The following IGSF21 variants were observed in gnomAD, a reference collection of about 807,000 sequenced individuals.
IGSF21 encodes immunoglobin superfamily member 21, also known as immunoglobulin superfamily member 21.
In IGSF21, 28 loss-of-function variants were observed where a neutral mutation model predicts 46.8. The ratio of observed to expected loss-of-function variants is 0.60; its 90% CI spans 0.44 to 0.82. The LOEUF (loss-of-function observed/expected upper bound fraction) is 0.82. Among genes scored for constraint, IGSF21 ranks in the 40% least tolerant of loss-of-function variants. The pLI is 0.00. For missense variants in IGSF21, 624 were observed against 665.5 expected (o/e 0.94, Z 0.69); for synonymous variants, 284 against 273.6 (o/e 1.04, Z -0.38).
chr1:18,189,189 C>T (rs374424443), intron 1 of IGSF21, among the ~76,000 whole-genome samples: 36 of 152,348 alleles, frequency 2.4e-4, no homozygotes, highest in African/African-American at 6.5e-4. Flanking sequence ...CAATGTCGCC[C>T]GACTTTGGGG....
At chr1:18,196,409 T>C (rs1335895024) in intron 1 of IGSF21, among the ~76,000 whole-genome samples, 1 of 152,050 alleles carries the variant, frequency 6.6e-6, no homozygotes, top group South Asian at 2.1e-4. Flanking sequence ...ACTTCCTGAG[T>C]CCCTGCAGGG....
intron 2 of IGSF21, among the ~76,000 whole-genome samples, chr1:18,287,189 A>AT (rs11448658): frequency 0.024 from 3,263 of 136,754 alleles, 253 homozygotes; most frequent in African/African-American, 0.082. Context: ...TCAAAAAAAA[A>AT]AAATAAAATA....
rs539957734 is a variant in IGSF21 at position 18,337,961 on chromosome 1, T to C, written c.424+2951T>C. Among the ~76,000 whole-genome samples, 492 of 152,126 alleles carry C rather than the reference T, an allele frequency of 3.2e-3. No individual in the cohort carries two copies. Among genetic ancestry groups the C allele is most frequent in the Admixed American group, 5.2e-3 (79 of 15,280 alleles). On this transcript the variant is annotated intron_variant, in intron 4 of 9. Transcript: ENST00000251296. The surrounding 1 kb of genome is among the most constrained non-coding windows in gnomAD (Gnocchi z 5.7). ...GCGTGGCTTCTGTAGCTCACCAAGGTCCTGAATGGTGAGGGGAGGGCCGGG... is the reference window on the plus strand; with the variant it reads ...GCGTGGCTTCTGTAGCTCACCAAGGCCCTGAATGGTGAGGGGAGGGCCGGG...
At chr1:18,111,924 A>G (rs1421205451) in intron 1 of IGSF21, 1 of 152,116 alleles carries the variant, frequency 6.6e-6, no homozygotes, top group Non-Finnish European at 1.5e-5. Context: ...AGGTCATCTG[A>G]GTGATGCCTC....
At chr1:18,307,364 C>T (rs967787869) in intron 3 of IGSF21, among the ~76,000 whole-genome samples, 6 of 152,198 alleles carry the variant, frequency 3.9e-5, no homozygotes, top group African/African-American at 1.4e-4. Flanking sequence ...ACAGTGCTCA[C>T]AGTAATGTTT....
intron 4 of IGSF21, among the ~76,000 whole-genome samples, chr1:18,350,063 G>C (rs968899168): frequency 1.6e-4 from 25 of 152,282 alleles, no homozygotes; most frequent in African/African-American, 5.5e-4. Flanking sequence ...GCCCAGTCCT[G>C]AGGAAGCAGT....
chr1:18,284,250 T>C (rs1184081006), intron 2 of IGSF21, among the ~76,000 whole-genome samples: 1 of 152,116 alleles, frequency 6.6e-6, no homozygotes, highest in Non-Finnish European at 1.5e-5. Flanking sequence ...ACTTTCTGAG[T>C]GGGTGGGATG....
At chr1:18,153,371 G>A (rs1405665995) in intron 1 of IGSF21, among the ~76,000 whole-genome samples, 2 of 152,182 alleles carry the variant, frequency 1.3e-5, no homozygotes, top group African/African-American at 4.8e-5. Context: ...CTCCGCAGAG[G>A]AGGCCCCAGC....
chr1:18,115,982 T>G (rs964735839), intron 1 of IGSF21: 57 of 152,168 alleles, frequency 3.7e-4, no homozygotes, highest in African/African-American at 1.3e-3. Context: ...GCCAGACATG[T>G]TCACACATAA....
At position 18,287,214 on chromosome 1, in the gene IGSF21, A is replaced by T. The variant is rs866062133; in HGVS notation, c.184-4652A>T. On this transcript the variant is annotated intron_variant, in intron 2 of 9. Transcript: ENST00000251296. ...AAAATAAAATAAATAAATAAATAAAAATAAATAAAAATAAAAATAAAAATA... is the reference window on the plus strand; with the variant it reads ...AAAATAAAATAAATAAATAAATAAATATAAATAAAAATAAAAATAAAAATA... 8.3e-4 allele frequency among the ~76,000 whole-genome samples: 119 copies of T among 143,152 alleles called. 1 individual carries two copies. The highest frequency in any genetic ancestry group is 3.6e-3 in the Middle Eastern group (1 of 274). 93.9% of individuals were successfully genotyped at this position (143,152 alleles called of 152,430 possible).
Position 18,376,977 on chromosome 1 carries a change from C to T in IGSF21, c.1279C>T (p.Arg427Trp), listed in dbSNP as rs369666421. ...NPLGSTDTHTRLIVFENPNIP... is the reference protein window; with the variant it reads ...NPLGSTDTHTWLIVFENPNIP... ...ACTGGGCTCCACCGACACGCACACC[C>T]GGCTCATCGTGTTTGGTATGGCGCG... The change falls in exon 8 of 10, where the codon CGG (arginine) becomes TGG (tryptophan). Residue 427 changes from arginine to tryptophan, a missense_variant. Physicochemically the swap from Arg to Trp is moderately radical, Grantham distance 101. Transcript: ENST00000251296. The T allele has an allele frequency of 1.4e-5, 23 of 1,593,438 alleles. No individual in the cohort carries two copies. The highest frequency in any genetic ancestry group is 5.4e-5 in the African/African-American group (4 of 74,592).
At chr1:18,317,972 C>T (rs1569799053) in intron 3 of IGSF21, among the ~76,000 whole-genome samples, 1 of 152,328 alleles carries the variant, frequency 6.6e-6, no homozygotes, top group South Asian at 2.1e-4. Flanking sequence ...GGCAGCTAGG[C>T]TCTAGAGTCC....
intron 1 of IGSF21, among the ~76,000 whole-genome samples, chr1:18,162,903 A>T (rs1038921881): frequency 6.6e-6 from 1 of 152,212 alleles, no homozygotes; most frequent in African/African-American, 2.4e-5. Flanking sequence ...AGAAGGCAGA[A>T]GGGTTGAAAC....
At chr1:18,268,736 G>A (rs2124543350) in intron 2 of IGSF21, among the ~76,000 whole-genome samples, 1 of 152,292 alleles carries the variant, frequency 6.6e-6, no homozygotes. Flanking sequence ...AGGGCGGGAG[G>A]AATCATGCAT....
At chr1:18,343,378 T>C (rs2085862178) in intron 4 of IGSF21, among the ~76,000 whole-genome samples, 1 of 152,188 alleles carries the variant, frequency 6.6e-6, no homozygotes, top group Non-Finnish European at 1.5e-5. Context: ...TGCATATTTT[T>C]CTCCCATTGT....
In IGSF21 at chr1:18,208,389, ATATATATT is replaced by A. The variant is rs1306302708; in HGVS notation, c.71-19507_71-19500del. ...CAGTTTAGGAATAATATATATATAT[ATATATATT>A]TTTTGAGACGGAGTCTTGCTGTCTC... On this transcript the variant is annotated intron_variant, in intron 1 of 9. Transcript: ENST00000251296. 2.4e-4 allele frequency among the ~76,000 whole-genome samples: 27 copies of A among 114,530 alleles called. 4 individuals are homozygous for A. The highest frequency in any genetic ancestry group is 5.8e-4 in the South Asian group (2 of 3,440). 75.1% of individuals were successfully genotyped at this position (114,530 alleles called of 152,430 possible). A position where few individuals can be genotyped will look rare whatever the true frequency, so the allele number is the denominator to read the frequency against.
chr1:18,280,684 A>C (rs2085150190), intron 2 of IGSF21, among the ~76,000 whole-genome samples: 1 of 152,142 alleles, frequency 6.6e-6, no homozygotes, highest in Admixed American at 6.5e-5. Flanking sequence ...GTCTGACTCC[A>C]GAGCCTAACC....
chr1:18,127,984 G>A (rs2086287891), intron 1 of IGSF21, among the ~76,000 whole-genome samples: 1 of 151,998 alleles, frequency 6.6e-6, no homozygotes. Context: ...ATTCACGGTG[G>A]GCTCCCTCAC....
At chr1:18,135,115 G>C (rs1297781625) in intron 1 of IGSF21, among the ~76,000 whole-genome samples, 2 of 152,184 alleles carry the variant, frequency 1.3e-5, no homozygotes, top group Non-Finnish European at 2.9e-5. Context: ...GCTGGGGAGA[G>C]AAAATCACAT....
Sources: gnomAD v4.1 joint callset for allele counts (sites outside exome capture counted in the v4.1 genomes callset) on GRCh38, gnomAD v4.1.1 for gene constraint, Gnocchi (gnomAD v3.1) non-coding constraint, MANE v1.5 for transcripts, NCBI Gene and HGNC (gene_info 2026-07-23, HGNC 2026-07-21) for gene names.